C8orf34: variants seen among roughly 807,000 people sequenced by gnomAD.
The protein encoded by C8orf34 is uncharacterized protein C8orf34.
In C8orf34, 65 loss-of-function variants were observed where a neutral mutation model predicts 68.3. The ratio of observed to expected loss-of-function variants is 0.95; its 90% confidence interval spans 0.78 to 1.17. C8orf34 has a LOEUF of 1.17. Ranked by LOEUF, C8orf34 falls within the 50% of genes most tolerant of loss-of-function variation. The probability of loss-of-function intolerance (pLI) is 0.00; values close to 1 mark genes in which losing one functional copy is unlikely to be tolerated. For missense variants in C8orf34, 664 were observed against 655.4 expected (o/e 1.01, Z -0.14); for synonymous variants, 244 against 241.2 (o/e 1.01, Z -0.11).
At position 68,787,439 on chromosome 8, in the gene C8orf34, G is replaced by T. The variant is rs774810000; in HGVS notation, c.1456-4G>T. 5.0e-6 allele frequency: 8 copies of T among 1,603,972 alleles called. No individual in the cohort carries two copies. The highest frequency in any genetic ancestry group is 1.1e-5 in the South Asian group (1 of 90,000). On this transcript the variant is annotated splice_region_variant and splice_polypyrimidine_tract_variant and intron_variant, in intron 11 of 13. Transcript: ENST00000518698. ...TAATCTAAAATAAATGTGTTCTTTT[G>T]CAGGATGAATCCTTAAAGCAATTGC...
chr8:68,668,716 A>G (rs12681467), intron 8 of C8orf34, among the ~76,000 whole-genome samples: 30,595 of 152,102 alleles, frequency 0.2, 3,539 homozygotes, highest in East Asian at 0.56. Flanking sequence ...ATGAGCCTTT[A>G]CAAATAGAGA....
chr8:68,562,355 G>A (rs568933934), intron 7 of C8orf34, among the ~76,000 whole-genome samples: 1 of 152,224 alleles, frequency 6.6e-6, no homozygotes, highest in South Asian at 2.1e-4. Flanking sequence ...TCATTATCTT[G>A]TATGACTTTT....
intron 12 of C8orf34, among the ~76,000 whole-genome samples, chr8:68,792,976 T>G (rs936434065): frequency 5.9e-5 from 9 of 152,104 alleles, no homozygotes; most frequent in Middle Eastern, 3.2e-3. Context: ...TGTGTATATG[T>G]ATACATACAC....
At chr8:68,758,746 G>T (rs1435347437) in intron 10 of C8orf34, among the ~76,000 whole-genome samples, 1 of 137,906 alleles carries the variant, frequency 7.3e-6, no homozygotes. Context: ...TTATTCCCTT[G>T]GACTTTGTTT....
At chr8:68,566,401 G>A (rs1816590066) in intron 7 of C8orf34, among the ~76,000 whole-genome samples, 1 of 152,176 alleles carries the variant, frequency 6.6e-6, no homozygotes, top group African/African-American at 2.4e-5. Context: ...TTATAAGAGA[G>A]AACATGTGGT....
intron 7 of C8orf34, among the ~76,000 whole-genome samples, chr8:68,637,604 T>C (rs1257947170): frequency 6.6e-6 from 1 of 152,160 alleles, no homozygotes; most frequent in Admixed American, 6.5e-5. Flanking sequence ...ATTAGTTGGG[T>C]TACACATGTG....
In C8orf34 at chr8:68,521,983, T is replaced by G; in HGVS notation, c.938+12T>G. On this transcript the variant is annotated intron_variant, in intron 6 of 13. Transcript: ENST00000518698. ...AGTCCTGCAGGAAGGTGAGATGAGC[T>G]GTCTGCTGAGATTCTATATTACTAG... The G allele has an allele frequency of 6.2e-7, 1 of 1,611,782 alleles. No individual in the cohort carries two copies. The highest frequency in any genetic ancestry group is 8.5e-7 in the Non-Finnish European group (1 of 1,178,534).
At chr8:68,620,888 GT>G (rs1419121646) in intron 7 of C8orf34, among the ~76,000 whole-genome samples, 1 of 151,742 alleles carries the variant, frequency 6.6e-6, no homozygotes, top group Non-Finnish European at 1.5e-5. Flanking sequence ...ATTGTAGTTT[GT>G]TTTGGGGCAC....
chr8:68,641,521 A>G (rs1346939886), intron 8 of C8orf34, among the ~76,000 whole-genome samples: 1 of 152,186 alleles, frequency 6.6e-6, no homozygotes, highest in Non-Finnish European at 1.5e-5. Context: ...TTTTTTTAGT[A>G]GGGCTGTGAA....
chr8:68,564,569 G>A (rs1816528885), intron 7 of C8orf34, among the ~76,000 whole-genome samples: 1 of 152,180 alleles, frequency 6.6e-6, no homozygotes, highest in African/African-American at 2.4e-5. Flanking sequence ...CTAGGTTGCT[G>A]CTTTTTGGAA....
intron 6 of C8orf34, among the ~76,000 whole-genome samples, chr8:68,526,562 T>C (rs563778737): frequency 6.6e-6 from 1 of 152,242 alleles, no homozygotes; most frequent in South Asian, 2.1e-4. Flanking sequence ...CATATTTATA[T>C]ATTCTTAAAA....
chr8:68,787,415 A>G, intron 11 of C8orf34, 28 bp from the exon 12 acceptor site: 1 of 1,527,396 alleles, frequency 6.5e-7, no homozygotes, highest in Non-Finnish European at 9.0e-7. Flanking sequence ...AACAGAGTTT[A>G]ATCTAAAATA....
intron 10 of C8orf34, among the ~76,000 whole-genome samples, chr8:68,731,574 T>C (rs968077346): frequency 1.3e-5 from 2 of 152,220 alleles, no homozygotes; most frequent in African/African-American, 4.8e-5. Flanking sequence ...TAATTTACAT[T>C]ATATCATAAG....
At chr8:68,456,089 CAAAAA>C (rs544998502) in intron 3 of C8orf34, among the ~76,000 whole-genome samples, 1 of 118,696 alleles carries the variant, frequency 8.4e-6, no homozygotes, top group Non-Finnish European at 1.8e-5. Flanking sequence ...ACTAAAAATC[CAAAAA>C]AAAAAAAAAA....
chr8:68,730,513 T>C (rs570722082), intron 10 of C8orf34, among the ~76,000 whole-genome samples: 31 of 152,292 alleles, frequency 2.0e-4, no homozygotes, highest in African/African-American at 6.5e-4. Context: ...ATGAAAATAT[T>C]TGCCCAGACC....
chr8:68,666,500 T>G (rs1388802827), intron 8 of C8orf34, among the ~76,000 whole-genome samples: 2 of 152,230 alleles, frequency 1.3e-5, no homozygotes, highest in Non-Finnish European at 2.9e-5. Flanking sequence ...ACTACTTCAC[T>G]GTAATTGCTT....
At chr8:68,772,746 T>A (rs942371576) in intron 10 of C8orf34, among the ~76,000 whole-genome samples, 1 of 142,792 alleles carries the variant, frequency 7.0e-6, no homozygotes, top group African/African-American at 2.5e-5. Flanking sequence ...TCTTTCTCTC[T>A]TTCTCTCCTT....
chr8:68,790,493 T>G (rs1585887681), intron 12 of C8orf34, among the ~76,000 whole-genome samples: 1 of 152,344 alleles, frequency 6.6e-6, no homozygotes, highest in Admixed American at 6.5e-5. Flanking sequence ...TGCATATTTC[T>G]TATTGCACCA....
chr8:68,394,523 A>G (rs1166366305), intron 1 of C8orf34, among the ~76,000 whole-genome samples: 1 of 151,944 alleles, frequency 6.6e-6, no homozygotes, highest in Admixed American at 6.6e-5. Context: ...AGTCTTTGCT[A>G]TTGTGAATAG....
Sources: allele counts gnomAD v4.1 joint callset (sites outside exome capture counted in the v4.1 genomes callset), GRCh38; gene constraint gnomAD v4.1.1; transcripts MANE v1.5; gene names NCBI Gene and HGNC (gene_info 2026-07-23, HGNC 2026-07-21).